The following ANK2 variants were observed in gnomAD, a reference collection of about 807,000 sequenced individuals.
ANK2 encodes ankyrin 2.
Under a neutral mutation model 360.5 loss-of-function variants are expected in ANK2, and 83 were observed. That is an observed-to-expected ratio of 0.23 (90% CI 0.19 to 0.28). The LOEUF (loss-of-function observed/expected upper bound fraction) is 0.28, where lower values mean the gene tolerates loss of function less well. Ranked by LOEUF, ANK2 falls within the 10% of genes least tolerant of loss-of-function variation. The probability of loss-of-function intolerance (pLI) is 1.00; values close to 1 mark genes in which losing one functional copy is unlikely to be tolerated. For synonymous variants in ANK2, 1,740 were observed against 1,759.5 expected (o/e 0.99, Z 0.28); for missense variants, 4,201 against 4,795.7 (o/e 0.88, Z 3.66).
In ANK2 at chr4:113,356,111, T is replaced by C. The variant is rs1330504383; in HGVS notation, c.7493T>C (p.Leu2498Pro). Residue 2498 changes from leucine to proline, a missense_variant, in exon 38 of 46, where the codon CTC becomes CCC. Transcript: ENST00000357077. The stretch of plus-strand genomic sequence containing the variant: ...CCTGCAGCTGTTGCCAAAACAGAAC[T>C]CTTGACGGAAGTGGCCTCTGTGCGG... Reference protein sequence around the residue: ...PLPAAVAKTELLTEVASVRSR... With the variant: ...PLPAAVAKTEPLTEVASVRSR... 6.2e-7 allele frequency: 1 copy of C among 1,614,044 alleles called. No individual in the cohort carries two copies. Among genetic ancestry groups the C allele is most frequent in the Admixed American group, 1.7e-5 (1 of 60,014 alleles).
intron 1 of ANK2, among the ~76,000 whole-genome samples, chr4:113,132,768 A>G (rs150901686): frequency 1.8e-3 from 267 of 152,266 alleles, no homozygotes; most frequent in Non-Finnish European, 3.3e-3. Flanking sequence ...TCACTCCAGC[A>G]GGGGGATACA....
intron 4 of ANK2, among the ~76,000 whole-genome samples, chr4:113,217,534 G>T (rs2153474519): frequency 6.6e-6 from 1 of 152,280 alleles, no homozygotes; most frequent in South Asian, 2.1e-4. Context: ...AGCAGCGGAT[G>T]GTTTCAGGAT....
chr4:112,873,990 A>G (rs1163347902), intron 1 of ANK2, among the ~76,000 whole-genome samples: 1 of 152,116 alleles, frequency 6.6e-6, no homozygotes, highest in East Asian at 1.9e-4. Flanking sequence ...GATTTAATAA[A>G]TAAACATTTG....
intron 1 of ANK2, among the ~76,000 whole-genome samples, chr4:113,167,676 C>T (rs1047499579): frequency 5.9e-5 from 9 of 152,116 alleles, no homozygotes; most frequent in African/African-American, 2.2e-4. Flanking sequence ...TATAAATGCT[C>T]ATCTTGATAT....
intron 2 of ANK2, among the ~76,000 whole-genome samples, chr4:112,923,757 G>A (rs1340249585): frequency 6.6e-6 from 1 of 152,010 alleles, no homozygotes; most frequent in Non-Finnish European, 1.5e-5. Context: ...TTACTATGTT[G>A]TTAAGTTTTA....
chr4:112,893,286 C>CT (rs1418241183), intron 1 of ANK2, among the ~76,000 whole-genome samples: 2 of 152,144 alleles, frequency 1.3e-5, no homozygotes, highest in Non-Finnish European at 2.9e-5. Context: ...CCCAAGTAGG[C>CT]TGGGACCACA....
chr4:113,346,477 T>G (rs1344623933), intron 35 of ANK2, among the ~76,000 whole-genome samples: 2 of 152,180 alleles, frequency 1.3e-5, no homozygotes, highest in Non-Finnish European at 2.9e-5. Flanking sequence ...GGCTTACATA[T>G]TATTAAATTC....
intron 1 of ANK2, among the ~76,000 whole-genome samples, chr4:112,871,276 C>G (rs772374504): frequency 4.6e-5 from 7 of 151,844 alleles, no homozygotes; most frequent in Non-Finnish European, 1.0e-4. Flanking sequence ...ATCTCCGTCT[C>G]CTGGGTTCAA....
chr4:113,325,686 A>G (rs2153892619), intron 26 of ANK2, among the ~76,000 whole-genome samples: 1 of 152,238 alleles, frequency 6.6e-6, no homozygotes, highest in Non-Finnish European at 1.5e-5. Flanking sequence ...TAGTTTCTCC[A>G]TTTATTTTTC....
At chr4:113,051,546 G>A (rs1197850431) in intron 1 of ANK2, among the ~76,000 whole-genome samples, 1 of 152,162 alleles carries the variant, frequency 6.6e-6, no homozygotes, top group East Asian at 1.9e-4. Flanking sequence ...AGTTTTGAAT[G>A]TGTGTGTCAG....
chr4:112,893,374 G>T (rs1191811304), intron 1 of ANK2, among the ~76,000 whole-genome samples: 2 of 151,864 alleles, frequency 1.3e-5, no homozygotes, highest in African/African-American at 4.8e-5. Context: ...TGTTTCCTAG[G>T]CTGGTCTCAA....
chr4:112,711,915 G>A, the ANK2 span, among the ~76,000 whole-genome samples: 1 of 150,524 alleles, frequency 6.6e-6, no homozygotes, highest in Admixed American at 6.6e-5. Context: ...CTGGGTTCAA[G>A]CAATCCTCTT....
chr4:113,343,852 TC>T (rs2094538718), intron 34 of ANK2, among the ~76,000 whole-genome samples: 1 of 152,228 alleles, frequency 6.6e-6, no homozygotes, highest in African/African-American at 2.4e-5. Flanking sequence ...ATTTCACTAA[TC>T]CAGAGGTCCT....
At chr4:112,751,052 C>T in the ANK2 span, among the ~76,000 whole-genome samples, 13 of 152,140 alleles carry the variant, frequency 8.5e-5, no homozygotes, top group African/African-American at 2.2e-4. Flanking sequence ...GGTACAGAAA[C>T]GGAACAAAGA....
the ANK2 span, chr4:112,788,173 C>G: frequency 6.3e-7 from 1 of 1,583,956 alleles, no homozygotes; most frequent in Admixed American, 1.7e-5. Context: ...TGTTGCCACC[C>G]CAGTGACGGC....
chr4:113,330,216 A>G, intron 26 of ANK2, 30 bp from the exon 27 acceptor site: 1 of 1,595,212 alleles, frequency 6.3e-7, no homozygotes, highest in South Asian at 1.1e-5. Context: ...ATATTTCAAA[A>G]CATATCTAAT....
chr4:113,237,224 C>T (rs536371931), intron 6 of ANK2, 52 bp downstream of exon 6: 12 of 1,561,562 alleles, frequency 7.7e-6, no homozygotes, highest in South Asian at 4.4e-5. Context: ...CTGCCAGACT[C>T]CTCCTGGGGG....
chr4:113,129,033 A>G lies in ANK2; in HGVS notation c.85-45383A>G, dbSNP rs545973945. ...ACAGGCTCGGAAAATGATGGGGCAT[A>G]TCAACCTGAAGCAGCTCCCAATGAC... On this transcript the variant is annotated intron_variant, in intron 1 of 45. Coordinates refer to ENST00000357077, the MANE Select transcript of ANK2 (RefSeq NM_001148.6). Among the ~76,000 whole-genome samples, 3 of 152,334 alleles carry G rather than the reference A, an allele frequency of 2.0e-5. No individual in the cohort carries two copies. The South Asian group carries it at 6.2e-4, about 32-fold the overall frequency.
At chr4:112,929,846 C>G (rs1227763629) in intron 2 of ANK2, among the ~76,000 whole-genome samples, 1 of 152,146 alleles carries the variant, frequency 6.6e-6, no homozygotes, top group Admixed American at 6.5e-5. Context: ...GGCATGGTGA[C>G]TTGTTCTGTC....
Sources: gnomAD v4.1 joint callset for allele counts (sites outside exome capture counted in the v4.1 genomes callset) on GRCh38, gnomAD v4.1.1 for gene constraint, MANE v1.5 for transcripts, NCBI Gene and HGNC (gene_info 2026-07-23, HGNC 2026-07-21) for gene names.